The following PTPRT variants were observed in gnomAD, a reference collection of about 807,000 sequenced individuals.
PTPRT encodes the protein receptor-type tyrosine-protein phosphatase T.
In PTPRT, 56 loss-of-function variants were observed where a neutral mutation model predicts 176.8. That is an observed-to-expected ratio of 0.32 (90% CI 0.26 to 0.40). PTPRT has a LOEUF of 0.40. Ranked by LOEUF, PTPRT falls within the 10% of genes least tolerant of loss-of-function variation. The pLI is 1.00. For synonymous variants in PTPRT, 783 were observed against 739.0 expected, an observed-to-expected ratio of 1.06 and a Z score of -0.96; for missense variants, 1,540 against 1,908.2, an observed-to-expected ratio of 0.81 and a Z score of 3.60.
chr20:43,154,848 T>A (rs2014471248), intron 1 of PTPRT, among the ~76,000 whole-genome samples: 1 of 152,012 alleles, frequency 6.6e-6, no homozygotes, highest in Admixed American at 6.6e-5. Context: ...TTCAAGCAAT[T>A]ATATAGCAAG....
At chr20:42,411,368 T>C (rs2059014820) in intron 9 of PTPRT, among the ~76,000 whole-genome samples, 1 of 151,276 alleles carries the variant, frequency 6.6e-6, no homozygotes, top group Non-Finnish European at 1.5e-5. Flanking sequence ...AATACAAAAA[T>C]TAGCCAGGCA....
intron 26 of PTPRT, among the ~76,000 whole-genome samples, chr20:42,099,673 G>C (rs1445197064): frequency 6.6e-6 from 1 of 151,908 alleles, no homozygotes; most frequent in African/African-American, 2.4e-5. Flanking sequence ...TCATGTGCTT[G>C]ATATGTTTTC....
At chr20:42,630,206 G>A (rs748780248) in intron 7 of PTPRT, among the ~76,000 whole-genome samples, 1 of 152,118 alleles carries the variant, frequency 6.6e-6, no homozygotes, top group Non-Finnish European at 1.5e-5. Flanking sequence ...GAGCCAAGCA[G>A]TGCAGACAGC....
intron 1 of PTPRT, among the ~76,000 whole-genome samples, chr20:42,979,604 G>A (rs768551895): frequency 2.0e-5 from 3 of 152,050 alleles, no homozygotes; most frequent in Non-Finnish European, 2.9e-5. Flanking sequence ...ATCTATCTGA[G>A]AGGACACATT....
chr20:42,909,531 A>C lies in PTPRT; in HGVS notation c.89-23599T>G, dbSNP rs1032843986. Among the ~76,000 whole-genome samples the C allele has an allele frequency of 2.0e-5, 3 of 152,318 alleles. No homozygotes were observed. In the East Asian group the frequency reaches 5.8e-4, roughly 29 times the overall value. ...GTAACACAATGGGGATAGACTGTGA[A>C]GCTTAAGCTTCGTAGCTCCACAGGT... On this transcript the variant is annotated intron_variant, in intron 1 of 30. Transcript: ENST00000373187.
intron 15 of PTPRT, among the ~76,000 whole-genome samples, chr20:42,201,950 CGTGTGTGTGT>C (rs11468258): frequency 2.8e-5 from 4 of 143,116 alleles, no homozygotes; most frequent in African/African-American, 5.2e-5. Flanking sequence ...AGAAAAGTTG[CGTGTGTGTGT>C]GTGTGTGTGT....
At chr20:42,243,047 AAGGGAGGGAGGG>A (rs367669516) in intron 14 of PTPRT, among the ~76,000 whole-genome samples, 1 of 133,462 alleles carries the variant, frequency 7.5e-6, no homozygotes, top group Admixed American at 7.4e-5. Flanking sequence ...GGCAGAAAGG[AAGGGAGGGAGGG>A]AGGGAGGGAG....
At chr20:42,798,234 G>C (rs960011044) in intron 2 of PTPRT, among the ~76,000 whole-genome samples, 1 of 152,124 alleles carries the variant, frequency 6.6e-6, no homozygotes, top group Non-Finnish European at 1.5e-5. Context: ...CTGAATTGTT[G>C]TTCCTATACT....
intron 7 of PTPRT, among the ~76,000 whole-genome samples, chr20:42,573,971 A>G (rs2073210744): frequency 6.6e-6 from 1 of 151,876 alleles, no homozygotes; most frequent in African/African-American, 2.4e-5. Context: ...GCTGGTCTTG[A>G]ACTACTGACC....
At chr20:42,684,869 A>T (rs1401543211) in intron 6 of PTPRT, among the ~76,000 whole-genome samples, 1 of 152,186 alleles carries the variant, frequency 6.6e-6, no homozygotes, top group Non-Finnish European at 1.5e-5. Flanking sequence ...GAGGAAGAGG[A>T]TGATGAGAAT....
chr20:43,019,617 C>CAAAAAA (rs539102745), intron 1 of PTPRT, among the ~76,000 whole-genome samples: 1 of 56,118 alleles, frequency 1.8e-5, no homozygotes, highest in African/African-American at 5.2e-5. Context: ...GACACCGTCT[C>CAAAAAA]AAAAAAAAAA....
intron 6 of PTPRT, among the ~76,000 whole-genome samples, chr20:42,695,175 T>G (rs2075855647): frequency 6.6e-6 from 1 of 152,258 alleles, no homozygotes; most frequent in Non-Finnish European, 1.5e-5. Flanking sequence ...ACTCTGTAGC[T>G]TATCTTTTCA....
At chr20:43,062,124 A>G (rs1309067217) in intron 1 of PTPRT, among the ~76,000 whole-genome samples, 1 of 152,210 alleles carries the variant, frequency 6.6e-6, no homozygotes, top group Non-Finnish European at 1.5e-5. Context: ...AAGGAGAGCC[A>G]TTTCTAGGTA....
At chr20:42,880,024 G>A (rs1252960306) in intron 2 of PTPRT, among the ~76,000 whole-genome samples, 1 of 152,164 alleles carries the variant, frequency 6.6e-6, no homozygotes, top group Admixed American at 6.5e-5. Flanking sequence ...AGATGGTGAG[G>A]AGAGAGGTTC....
intron 18 of PTPRT, among the ~76,000 whole-genome samples, chr20:42,132,681 G>A (rs1353286023): frequency 6.6e-6 from 1 of 152,206 alleles, no homozygotes; most frequent in Non-Finnish European, 1.5e-5. Context: ...GGCTGGGGAG[G>A]ATGTGGCACA....
rs189160415 is a variant in PTPRT at position 42,188,050 on chromosome 20, C to T, written c.2491+11190G>A. Reference sequence around the variant, plus strand: ...CAGGCTCCTCTGTTGAGCTCCAGGCCCCAGAGTCCACTGCCAACCTGGCAT... The same window carrying T: ...CAGGCTCCTCTGTTGAGCTCCAGGCTCCAGAGTCCACTGCCAACCTGGCAT... On this transcript the variant is annotated intron_variant, in intron 16 of 30. Coordinates refer to ENST00000373187, the MANE Select transcript of PTPRT (RefSeq NM_007050.6). Among the ~76,000 whole-genome samples, 11 of 152,280 alleles carry T rather than the reference C, an allele frequency of 7.2e-5. No individual in the cohort carries two copies. The East Asian group carries it at 2.1e-3, about 29-fold the overall frequency.
At chr20:42,703,743 T>C (rs993312881) in intron 6 of PTPRT, among the ~76,000 whole-genome samples, 4 of 152,228 alleles carry the variant, frequency 2.6e-5, no homozygotes, top group African/African-American at 4.8e-5. Context: ...CAGTCACTTA[T>C]AGAAACATCA....
intron 3 of PTPRT, among the ~76,000 whole-genome samples, chr20:42,788,268 G>A (rs185515030): frequency 8.4e-4 from 127 of 152,028 alleles, no homozygotes; most frequent in South Asian, 5.2e-3. Context: ...TCACCTCTGC[G>A]TTACCAATGC....
intron 7 of PTPRT, among the ~76,000 whole-genome samples, chr20:42,566,838 C>T (rs2073047617): frequency 6.6e-6 from 1 of 152,198 alleles, no homozygotes; most frequent in African/African-American, 2.4e-5. Context: ...CTGGTGTTAA[C>T]AGTAACCCAC....
Sources: allele counts gnomAD v4.1 joint callset (sites outside exome capture counted in the v4.1 genomes callset), GRCh38; gene constraint gnomAD v4.1.1; transcripts MANE v1.5; gene names NCBI Gene and HGNC (gene_info 2026-07-23, HGNC 2026-07-21).